The following IMMP2L variants were observed in gnomAD, a reference collection of about 807,000 sequenced individuals.
IMMP2L encodes mitochondrial inner membrane protease subunit 2.
A neutral mutation model predicts 19.3 loss-of-function variants in IMMP2L; 18 were observed. The ratio of observed to expected loss-of-function variants is 0.93; its 90% CI spans 0.64 to 1.38. IMMP2L has a LOEUF of 1.38. IMMP2L is among the 40% of genes most tolerant of loss of function. IMMP2L has a pLI of 0.00. For synonymous variants in IMMP2L, 76 were observed against 73.0 expected, an observed-to-expected ratio of 1.04 and a Z score of -0.21; for missense variants, 233 against 218.2, an observed-to-expected ratio of 1.07 and a Z score of -0.43.
intron 3 of IMMP2L, among the ~76,000 whole-genome samples, chr7:110,969,331 T>C (rs1051300182): frequency 1.3e-5 from 2 of 152,042 alleles, no homozygotes; most frequent in African/African-American, 4.8e-5. Context: ...TCAGCTACCT[T>C]TTTCCCCTTG....
At chr7:111,277,943 G>A (rs1379229835) in intron 3 of IMMP2L, among the ~76,000 whole-genome samples, 1 of 152,102 alleles carries the variant, frequency 6.6e-6, no homozygotes, top group African/African-American at 2.4e-5. Flanking sequence ...AGAAACATGG[G>A]TGGAACTGAA....
At position 111,132,006 on chromosome 7, in the gene IMMP2L, G is replaced by A. The variant is rs372383122; in HGVS notation, c.240-168441C>T. Among the ~76,000 whole-genome samples the A allele has an allele frequency of 5.5e-3, 828 of 151,866 alleles. 7 individuals carry two copies. The highest frequency in any genetic ancestry group is 9.6e-3 in the Non-Finnish European group (650 of 67,806). Reference sequence around the variant, plus strand: ...GGAACAATCCATCAATAGTACATTAGATTCATTAATTGTTCCTATTATCTT... The same window carrying A: ...GGAACAATCCATCAATAGTACATTAAATTCATTAATTGTTCCTATTATCTT... On this transcript the variant is annotated intron_variant, in intron 3 of 5. Coordinates refer to ENST00000405709, the MANE Select transcript of IMMP2L (RefSeq NM_032549.4).
intron 3 of IMMP2L, among the ~76,000 whole-genome samples, chr7:111,429,044 T>C (rs923112787): frequency 2.0e-5 from 3 of 151,858 alleles, no homozygotes; most frequent in African/African-American, 4.9e-5. Flanking sequence ...GTTGGATGAA[T>C]AGGTGCTCAG....
intron 3 of IMMP2L, among the ~76,000 whole-genome samples, chr7:111,463,215 T>C (rs1278943094): frequency 6.6e-6 from 1 of 152,132 alleles, no homozygotes; most frequent in East Asian, 1.9e-4. Flanking sequence ...TTCCCCTGTT[T>C]ATAAAGATAC....
chr7:110,915,879 C>CTATT (rs1399136057), intron 4 of IMMP2L, among the ~76,000 whole-genome samples: 1 of 152,132 alleles, frequency 6.6e-6, no homozygotes, highest in Non-Finnish European at 1.5e-5. Flanking sequence ...ACATTGTAGA[C>CTATT]TATTTGTGAA....
At position 110,902,216 on chromosome 7, in the gene IMMP2L, C is replaced by T. The variant is rs560361887; in HGVS notation, c.306-15521G>A. 2.0e-5 allele frequency among the ~76,000 whole-genome samples: 3 copies of T among 151,628 alleles called. No homozygotes were observed. The South Asian group carries it at 6.2e-4, about 31-fold the overall frequency. On this transcript the variant is annotated intron_variant, in intron 4 of 5. Transcript: ENST00000405709. Reference sequence around the variant, plus strand: ...GTTTAAGAGATAAGTATAGAAAAAACACCAAAAAAATGTGATAAATGGTAG... The same window carrying T: ...GTTTAAGAGATAAGTATAGAAAAAATACCAAAAAAATGTGATAAATGGTAG...
intron 3 of IMMP2L, among the ~76,000 whole-genome samples, chr7:111,273,460 A>G (rs955889273): frequency 1.3e-5 from 2 of 152,028 alleles, no homozygotes; most frequent in Admixed American, 6.6e-5. Flanking sequence ...AATATGGAAA[A>G]CTAGACATCA....
chr7:111,537,230 A>G (rs1228361845), intron 1 of IMMP2L, among the ~76,000 whole-genome samples: 4 of 152,152 alleles, frequency 2.6e-5, no homozygotes, highest in Non-Finnish European at 5.9e-5. Flanking sequence ...ATGAAGAAAG[A>G]TGGATTTTAT....
intron 3 of IMMP2L, among the ~76,000 whole-genome samples, chr7:111,031,215 T>C (rs995297485): frequency 1.3e-5 from 2 of 151,980 alleles, no homozygotes; most frequent in Admixed American, 6.6e-5. Flanking sequence ...CAATCACATA[T>C]CAGTAGCAAT....
At chr7:111,036,741 T>C (rs1016714356) in intron 3 of IMMP2L, among the ~76,000 whole-genome samples, 1 of 152,162 alleles carries the variant, frequency 6.6e-6, no homozygotes, top group Non-Finnish European at 1.5e-5. Flanking sequence ...TATATTCTTG[T>C]AAAAGTGTAT....
chr7:110,959,123 T>C (rs865966106), intron 4 of IMMP2L, among the ~76,000 whole-genome samples: 2 of 152,012 alleles, frequency 1.3e-5, no homozygotes, highest in African/African-American at 2.4e-5. Context: ...TAACCTCAAA[T>C]ACTACTGAAA....
intron 2 of IMMP2L, among the ~76,000 whole-genome samples, chr7:111,502,869 GA>G (rs1445950366): frequency 6.7e-6 from 1 of 150,122 alleles, no homozygotes; most frequent in Non-Finnish European, 1.5e-5. Context: ...GAGAAAGCAG[GA>G]AAGATCCAAA....
At chr7:111,222,159 A>T (rs1035402386) in intron 3 of IMMP2L, among the ~76,000 whole-genome samples, 6 of 152,076 alleles carry the variant, frequency 3.9e-5, no homozygotes, top group Non-Finnish European at 7.4e-5. Context: ...AGATGTGTAG[A>T]TATATTAGAG....
Position 110,826,163 on chromosome 7 carries a change from T to C in IMMP2L, c.408+60430A>G, listed in dbSNP as rs1210123700. ...TACCATCTCACACCAGTTAGAATGGTGATCATTAAAAAGTCAGGAAACAAC... is the reference window on the plus strand; with the variant it reads ...TACCATCTCACACCAGTTAGAATGGCGATCATTAAAAAGTCAGGAAACAAC... On this transcript the variant is annotated intron_variant, in intron 5 of 5. Transcript: ENST00000405709. Among the ~76,000 whole-genome samples, 6 of 152,142 alleles carry C rather than the reference T, an allele frequency of 3.9e-5. No homozygotes were observed. The South Asian group carries it at 6.2e-4, about 16-fold the overall frequency.
chr7:111,403,201 C>T (rs1460956208), intron 3 of IMMP2L, among the ~76,000 whole-genome samples: 1 of 151,934 alleles, frequency 6.6e-6, no homozygotes, highest in African/African-American at 2.4e-5. Flanking sequence ...ATGCTATTCT[C>T]GTGATAGTGA....
At chr7:111,053,422 T>C (rs1325166624) in intron 3 of IMMP2L, among the ~76,000 whole-genome samples, 1 of 152,204 alleles carries the variant, frequency 6.6e-6, no homozygotes, top group East Asian at 1.9e-4. Flanking sequence ...CATATACCAG[T>C]TAAACTCCAA....
chr7:110,887,628 A>T (rs1157965833), intron 4 of IMMP2L, among the ~76,000 whole-genome samples: 1 of 152,040 alleles, frequency 6.6e-6, no homozygotes, highest in Non-Finnish European at 1.5e-5. Context: ...ATATTCAACA[A>T]CACAGAATTG....
chr7:110,959,157 C>A (rs371383533), intron 4 of IMMP2L, among the ~76,000 whole-genome samples: 1 of 151,850 alleles, frequency 6.6e-6, no homozygotes, highest in South Asian at 2.1e-4. Context: ...TAAATAAGTC[C>A]TAAAAAACAG....
intron 4 of IMMP2L, among the ~76,000 whole-genome samples, chr7:110,942,222 T>C (rs925256520): frequency 2.0e-5 from 3 of 152,020 alleles, no homozygotes; most frequent in African/African-American, 7.2e-5. Context: ...GGGAAGATTT[T>C]ATAATTTTCC....
Sources: allele counts gnomAD v4.1 joint callset (sites outside exome capture counted in the v4.1 genomes callset), GRCh38; gene constraint gnomAD v4.1.1; transcripts MANE v1.5; gene names NCBI Gene and HGNC (gene_info 2026-07-23, HGNC 2026-07-21).